The following NRCAM variants were observed in gnomAD, a reference collection of about 807,000 sequenced individuals.
The protein encoded by NRCAM is NgCAM-related cell adhesion molecule.
A neutral mutation model predicts 156.5 loss-of-function variants in NRCAM; 83 were observed. The ratio of observed to expected loss-of-function variants is 0.53; its 90% CI spans 0.44 to 0.64. NRCAM has a LOEUF of 0.64. Among genes scored for constraint, NRCAM ranks in the 30% least tolerant of loss-of-function variants. The pLI is 0.00. For missense variants in NRCAM, 1,417 were observed against 1,597.3 expected (o/e 0.89, Z 1.92); for synonymous variants, 538 against 563.9 (o/e 0.95, Z 0.65).
At chr7:108,323,000 G>A (rs909130068) in intron 2 of NRCAM, among the ~76,000 whole-genome samples, 16 of 152,088 alleles carry the variant, frequency 1.1e-4, no homozygotes, top group Non-Finnish European at 2.4e-4. Flanking sequence ...AAGGTCTCTG[G>A]GGACAATTCA....
intron 3 of NRCAM, among the ~76,000 whole-genome samples, chr7:108,271,470 G>A (rs777093404): frequency 8.5e-5 from 13 of 152,182 alleles, no homozygotes; most frequent in South Asian, 2.1e-4. Flanking sequence ...GGCTAACGCG[G>A]GCAGATCACT....
intron 3 of NRCAM, among the ~76,000 whole-genome samples, chr7:108,304,710 C>T (rs1203805264): frequency 6.6e-6 from 1 of 152,090 alleles, no homozygotes; most frequent in Non-Finnish European, 1.5e-5. Flanking sequence ...GTTCCCAGCA[C>T]TCATTCAATG....
At chr7:108,241,252 C>A (rs1207174595) in intron 3 of NRCAM, among the ~76,000 whole-genome samples, 1 of 152,176 alleles carries the variant, frequency 6.6e-6, no homozygotes, top group East Asian at 1.9e-4. Flanking sequence ...TCTCTCTCAT[C>A]TTTGTAGCCC....
At chr7:108,204,240 C>T (rs1215877446) in intron 13 of NRCAM, among the ~76,000 whole-genome samples, 5 of 152,112 alleles carry the variant, frequency 3.3e-5, no homozygotes, top group Non-Finnish European at 7.3e-5. Flanking sequence ...TTCTGCACCC[C>T]CCTCATTCTC....
chr7:108,398,523 T>C (rs2099783310), intron 2 of NRCAM, among the ~76,000 whole-genome samples: 1 of 152,162 alleles, frequency 6.6e-6, no homozygotes, highest in Admixed American at 6.5e-5. Flanking sequence ...TGCTTCCTGC[T>C]CACCTTCCTT....
intron 3 of NRCAM, among the ~76,000 whole-genome samples, chr7:108,268,967 G>A (rs1466693823): frequency 1.3e-5 from 2 of 151,822 alleles, no homozygotes; most frequent in African/African-American, 2.4e-5. Flanking sequence ...TATTATCCTC[G>A]CTTTACAGAA....
intron 28 of NRCAM, among the ~76,000 whole-genome samples, chr7:108,174,801 G>A (rs745351030): frequency 2.4e-4 from 37 of 152,204 alleles, no homozygotes; most frequent in Non-Finnish European, 4.6e-4. Flanking sequence ...CCCTAAGCTC[G>A]GGGAGACTTA....
At chr7:108,381,556 T>C (rs1166361454) in intron 2 of NRCAM, among the ~76,000 whole-genome samples, 2 of 147,918 alleles carry the variant, frequency 1.4e-5, no homozygotes, top group South Asian at 2.1e-4. Context: ...ACCATTTTTT[T>C]TTTTCTTTTT....
chr7:108,368,231 C>CCG (rs1422374597), intron 2 of NRCAM, among the ~76,000 whole-genome samples: 1 of 106,222 alleles, frequency 9.4e-6, no homozygotes, highest in African/African-American at 3.4e-5. Flanking sequence ...CATACCCCCC[C>CCG]CCACCCCCCC....
intron 32 of NRCAM, among the ~76,000 whole-genome samples, chr7:108,157,205 AGT>A (rs796457779): frequency 1.4e-4 from 21 of 152,270 alleles, no homozygotes; most frequent in African/African-American, 5.1e-4. Flanking sequence ...CAAATGTACA[AGT>A]GTTTTTGTCT....
At chr7:108,392,763 CTGTT>C (rs1412777464) in intron 2 of NRCAM, among the ~76,000 whole-genome samples, 1 of 152,114 alleles carries the variant, frequency 6.6e-6, no homozygotes, top group African/African-American at 2.4e-5. Context: ...GATGTCGTTT[CTGTT>C]TGTTAGTTTT....
chr7:108,223,521 A>G (rs1402738947), intron 11 of NRCAM, among the ~76,000 whole-genome samples: 2 of 152,204 alleles, frequency 1.3e-5, no homozygotes, highest in Non-Finnish European at 2.9e-5. Flanking sequence ...TACTTATTTC[A>G]ATAAGATTAC....
intron 1 of NRCAM, among the ~76,000 whole-genome samples, chr7:108,414,725 C>G (rs1408862026): frequency 6.6e-6 from 1 of 152,058 alleles, no homozygotes; most frequent in Non-Finnish European, 1.5e-5. Flanking sequence ...AAGAGGAAAA[C>G]CATCAGATCT....
chr7:108,452,412 G>T (rs186554883), intron 1 of NRCAM, among the ~76,000 whole-genome samples: 2 of 152,080 alleles, frequency 1.3e-5, no homozygotes, highest in African/African-American at 2.4e-5. Context: ...ATGCTGTGGG[G>T]GGGGGAAGAA....
chr7:108,184,485 A>T lies in NRCAM; in HGVS notation c.2165T>A (p.Met722Lys). Residue 722 changes from methionine to lysine, a missense_variant, in exon 21 of 33, where the codon ATG becomes AAG. Physicochemically the swap from Met to Lys is moderately conservative, Grantham distance 95. This residue lies in a region of NRCAM where 1,238 missense variants were observed against 1,336.4 expected (regional missense o/e 0.93). Coordinates refer to ENST00000379028, the MANE Select transcript of NRCAM (RefSeq NM_001037132.4). ...GCTCTTCCCAATGCTGTTCACTGCC[A>T]TCACGCGGAAGGAGTAGTTCACGTA... is the stretch of plus-strand genomic sequence containing the variant. ...SPYVNYSFRV[M>K]AVNSIGKSLP... 6.2e-7 allele frequency: 1 copy of T among 1,614,208 alleles called. No individual in the cohort carries two copies. Among genetic ancestry groups the T allele is most frequent in the African/African-American group, 1.3e-5 (1 of 75,052 alleles).
At chr7:108,189,102 C>T (rs1308349722) in intron 20 of NRCAM, among the ~76,000 whole-genome samples, 1 of 152,148 alleles carries the variant, frequency 6.6e-6, no homozygotes, top group East Asian at 1.9e-4. Flanking sequence ...GTGTCACCAA[C>T]GTGAGAAGCT....
chr7:108,278,090 C>T (rs754283223), intron 3 of NRCAM, among the ~76,000 whole-genome samples: 15 of 152,202 alleles, frequency 9.9e-5, no homozygotes, highest in Non-Finnish European at 1.3e-4. Flanking sequence ...AGTATTGCTG[C>T]CTGATCCTTC....
intron 2 of NRCAM, among the ~76,000 whole-genome samples, chr7:108,398,622 A>C (rs75795574): frequency 0.013 from 1,958 of 151,886 alleles, 21 homozygotes; most frequent in Non-Finnish European, 0.021. Flanking sequence ...TGTCCACCCT[A>C]CCCTGCTCTT....
chr7:108,209,521 C>T lies in NRCAM; in HGVS notation c.975G>A (p.Leu325=), dbSNP rs1347216319. The change falls in exon 12 of 33, where the codon TTG becomes TTA. Residue 325 remains leucine, a synonymous_variant. Coordinates refer to ENST00000379028, the MANE Select transcript of NRCAM (RefSeq NM_001037132.4). ...RTVYKNFEKT[L]QIIHVSEADS... ...CTGCTTCTGAAACATGAATGATCTG[C>T]AAGGTTTTCTCAAAGTTCTTATAAA... 3 of 1,612,056 alleles carry T rather than the reference C, an allele frequency of 1.9e-6. No homozygotes were observed. The highest frequency in any genetic ancestry group is 2.2e-5 in the East Asian group (1 of 44,772).
Sources: gnomAD v4.1 joint callset for allele counts (sites outside exome capture counted in the v4.1 genomes callset) on GRCh38, gnomAD v4.1.1 for gene constraint, gnomAD v4.1.1 regional missense constraint, MANE v1.5 for transcripts, NCBI Gene and HGNC (gene_info 2026-07-23, HGNC 2026-07-21) for gene names.